The following PRKD1 variants were observed in gnomAD, a reference collection of about 807,000 sequenced individuals.
PRKD1 encodes protein kinase D1.
PRKD1 carries 63 observed loss-of-function variants against 95.9 expected under a neutral mutation model. The ratio of observed to expected loss-of-function variants is 0.66; its 90% CI spans 0.54 to 0.81. The LOEUF (loss-of-function observed/expected upper bound fraction) is 0.81, where lower values mean the gene tolerates loss of function less well. Among genes scored for constraint, PRKD1 ranks in the 30% least tolerant of loss-of-function variants. The pLI, the probability that PRKD1 is intolerant of heterozygous loss-of-function variation, is 0.00. For missense variants in PRKD1, 1,048 were observed against 1,165.3 expected, an observed-to-expected ratio of 0.90 and a Z score of 1.47; for synonymous variants, 425 against 423.1, an observed-to-expected ratio of 1.00 and a Z score of -0.05.
chr14:29,865,304 G>T (rs1566643982), intron 1 of PRKD1, among the ~76,000 whole-genome samples: 3 of 152,116 alleles, frequency 2.0e-5, no homozygotes, highest in East Asian at 1.9e-4. Context: ...AAATAAATAG[G>T]TTTTTTTAAA....
chr14:29,811,736 G>A (rs951298985), intron 1 of PRKD1, among the ~76,000 whole-genome samples: 1 of 152,156 alleles, frequency 6.6e-6, no homozygotes, highest in Non-Finnish European at 1.5e-5. Context: ...GTGGTCACCT[G>A]AACCAAGACT....
At chr14:29,772,574 T>C (rs1419524714) in intron 1 of PRKD1, among the ~76,000 whole-genome samples, 1 of 152,226 alleles carries the variant, frequency 6.6e-6, no homozygotes, top group Non-Finnish European at 1.5e-5. Flanking sequence ...ACATTTTTCT[T>C]CCATTATCTG....
intron 1 of PRKD1, among the ~76,000 whole-genome samples, chr14:29,910,209 A>C (rs1390948136): frequency 1.3e-5 from 2 of 152,064 alleles, no homozygotes; most frequent in Non-Finnish European, 2.9e-5. Context: ...CCATGAACCT[A>C]CTGGGAGGAA....
intron 1 of PRKD1, among the ~76,000 whole-genome samples, chr14:29,739,519 A>G (rs1428884586): frequency 1.3e-5 from 2 of 152,214 alleles, no homozygotes; most frequent in African/African-American, 4.8e-5. Flanking sequence ...AAAGATATCT[A>G]AGACAAAAAA....
intron 1 of PRKD1, among the ~76,000 whole-genome samples, chr14:29,878,215 G>T (rs962254099): frequency 2.0e-5 from 3 of 151,976 alleles, no homozygotes; most frequent in African/African-American, 7.2e-5. Context: ...CTTAGTACTT[G>T]GGTGATGAAA....
At chr14:29,908,200 T>C (rs1055729951) in intron 1 of PRKD1, among the ~76,000 whole-genome samples, 7 of 151,700 alleles carry the variant, frequency 4.6e-5, no homozygotes, top group Admixed American at 2.0e-4. Flanking sequence ...CAAAGAATCA[T>C]TATAATTCTG....
intron 1 of PRKD1, among the ~76,000 whole-genome samples, chr14:29,802,105 G>T (rs1156585132): frequency 1.3e-5 from 2 of 152,116 alleles, no homozygotes; most frequent in African/African-American, 4.8e-5. Context: ...GAAAGGAAGG[G>T]AGAGAGGGTG....
intron 2 of PRKD1, among the ~76,000 whole-genome samples, chr14:29,689,168 T>C (rs1196183709): frequency 1.3e-5 from 2 of 151,102 alleles, no homozygotes; most frequent in East Asian, 1.9e-4. Flanking sequence ...ATCATCAGAG[T>C]GAAAAGACAA....
chr14:29,765,677 T>C (rs1004287518), intron 1 of PRKD1, among the ~76,000 whole-genome samples: 9 of 152,144 alleles, frequency 5.9e-5, no homozygotes, highest in Non-Finnish European at 1.3e-4. Flanking sequence ...TATAGGCACA[T>C]GGTGGAATTT....
chr14:29,581,775 C>A (rs1178079625), intron 16 of PRKD1, among the ~76,000 whole-genome samples: 2 of 152,166 alleles, frequency 1.3e-5, no homozygotes, highest in African/African-American at 4.8e-5. Flanking sequence ...TGCCTCATAT[C>A]GTTAATTCTC....
intron 1 of PRKD1, among the ~76,000 whole-genome samples, chr14:29,869,932 A>G (rs1314313975): frequency 6.6e-6 from 1 of 152,134 alleles, no homozygotes; most frequent in Admixed American, 6.6e-5. Flanking sequence ...TCTTCTTCTC[A>G]AAAAAGGAAG....
chr14:29,815,138 C>T (rs867037574), intron 1 of PRKD1, among the ~76,000 whole-genome samples: 42 of 152,270 alleles, frequency 2.8e-4, no homozygotes, highest in African/African-American at 3.1e-4. Context: ...GTGCATCAAA[C>T]GACCTTATAA....
At chr14:29,583,683 C>CT (rs45484493) in intron 16 of PRKD1, among the ~76,000 whole-genome samples, 2 of 151,814 alleles carry the variant, frequency 1.3e-5, no homozygotes, top group Admixed American at 6.6e-5. Context: ...TGTGGGAAGT[C>CT]TTTTTTTTCT....
chr14:29,866,593 T>C (rs1892915148), intron 1 of PRKD1, among the ~76,000 whole-genome samples: 1 of 152,126 alleles, frequency 6.6e-6, no homozygotes, highest in South Asian at 2.1e-4. Flanking sequence ...CAGACACAAC[T>C]CTGCATGTTT....
intron 1 of PRKD1, among the ~76,000 whole-genome samples, chr14:29,873,628 A>G (rs1056158427): frequency 7.2e-5 from 11 of 152,218 alleles, no homozygotes; most frequent in South Asian, 2.1e-4. Context: ...TATACATTAA[A>G]CAAATATTTA....
At chr14:29,777,061 G>A (rs1888796610) in intron 1 of PRKD1, among the ~76,000 whole-genome samples, 2 of 152,044 alleles carry the variant, frequency 1.3e-5, no homozygotes, top group African/African-American at 4.8e-5. Context: ...AGAAGTGAAG[G>A]AGAAATAAAA....
intron 1 of PRKD1, among the ~76,000 whole-genome samples, chr14:29,755,133 T>A (rs1032661235): frequency 2.6e-4 from 39 of 152,178 alleles, no homozygotes; most frequent in African/African-American, 8.2e-4. Flanking sequence ...ATCTAAGACC[T>A]TGCTTAACTC....
intron 1 of PRKD1, among the ~76,000 whole-genome samples, chr14:29,861,888 G>C (rs1302656683): frequency 6.6e-6 from 1 of 152,102 alleles, no homozygotes; most frequent in Non-Finnish European, 1.5e-5. Context: ...TCCTAACCTT[G>C]TTATCCACCC....
intron 2 of PRKD1, among the ~76,000 whole-genome samples, chr14:29,694,927 G>A (rs577363423): frequency 6.6e-6 from 1 of 152,108 alleles, no homozygotes; most frequent in Admixed American, 6.6e-5. Flanking sequence ...AGCCTTAGAA[G>A]TCACAGTCTT....
Sources: gnomAD v4.1 joint callset for allele counts (sites outside exome capture counted in the v4.1 genomes callset) on GRCh38, gnomAD v4.1.1 for gene constraint, MANE v1.5 for transcripts, NCBI Gene and HGNC (gene_info 2026-07-23, HGNC 2026-07-21) for gene names.